ACTR3C: variants seen among roughly 807,000 people sequenced by gnomAD.
ACTR3C encodes actin related protein 3C.
Under a neutral mutation model 26.3 loss-of-function variants are expected in ACTR3C, and 18 were observed. The ratio of observed to expected loss-of-function variants is 0.68; its 90% CI spans 0.47 to 1.01. The LOEUF (loss-of-function observed/expected upper bound fraction) is 1.01, where lower values mean the gene tolerates loss of function less well. ACTR3C is among the 50% of genes least tolerant of loss of function. The pLI is 0.00. For missense variants in ACTR3C, 184 were observed against 250.7 expected, an observed-to-expected ratio of 0.73 and a Z score of 1.80; for synonymous variants, 55 against 94.5, an observed-to-expected ratio of 0.58 and a Z score of 2.42.
the ACTR3C span, among the ~76,000 whole-genome samples, chr7:149,993,420 C>G: frequency 1.3e-5 from 2 of 152,172 alleles, no homozygotes; most frequent in Non-Finnish European, 2.9e-5. Context: ...CTCAATGAGG[C>G]CCTCGCTTAG....
intron 3 of ACTR3C, among the ~76,000 whole-genome samples, chr7:150,292,834 A>G (rs1023212572): frequency 6.6e-6 from 1 of 152,042 alleles, no homozygotes; most frequent in Non-Finnish European, 1.5e-5. Context: ...AATTTTTCCA[A>G]GCTTGAGCTG....
the ACTR3C span, among the ~76,000 whole-genome samples, chr7:149,927,066 T>TG: frequency 1.7e-4 from 8 of 47,912 alleles, no homozygotes; most frequent in East Asian, 3.2e-3. Context: ...CCAAATAAAC[T>TG]TTTTTTTTTC....
At chr7:150,035,528 G>T in the ACTR3C span, among the ~76,000 whole-genome samples, 2 of 129,386 alleles carry the variant, frequency 1.5e-5, no homozygotes, top group East Asian at 4.3e-4. Context: ...CTCTCGTGGG[G>T]GGTGCCTCCC....
intron 1 of ACTR3C, among the ~76,000 whole-genome samples, chr7:150,311,108 C>T (rs1211233903): frequency 1.3e-5 from 2 of 152,188 alleles, no homozygotes; most frequent in Non-Finnish European, 2.9e-5. Context: ...AACTGCTTTA[C>T]AAGCTCACTA....
the ACTR3C span, among the ~76,000 whole-genome samples, chr7:150,006,405 G>A: frequency 3.0e-4 from 45 of 147,656 alleles, no homozygotes; most frequent in African/African-American, 1.1e-3. Flanking sequence ...CACTGTGTTA[G>A]CCAGGATGGT....
At chr7:150,047,756 G>A in the ACTR3C span, 87 of 1,494,078 alleles carry the variant, frequency 5.8e-5, no homozygotes, top group Non-Finnish European at 7.6e-5. Flanking sequence ...CGTCCTCCTC[G>A]GGCCCCTGGC....
the ACTR3C span, among the ~76,000 whole-genome samples, chr7:150,039,787 G>C: frequency 2.1e-4 from 23 of 107,168 alleles, no homozygotes; most frequent in South Asian, 1.3e-3. Context: ...AGGGGGGGAA[G>C]AGGGACTGGC....
At chr7:149,946,942 C>T in the ACTR3C span, among the ~76,000 whole-genome samples, 1 of 151,058 alleles carries the variant, frequency 6.6e-6, no homozygotes, top group Non-Finnish European at 1.5e-5. Flanking sequence ...AAAAAAAGAG[C>T]CGCCTTCCCC....
the ACTR3C span, among the ~76,000 whole-genome samples, chr7:150,108,456 G>A: frequency 6.6e-6 from 1 of 151,832 alleles, no homozygotes; most frequent in African/African-American, 2.4e-5. Flanking sequence ...AAAAGATAGA[G>A]CTGAGAGCAA....
At chr7:150,042,613 G>C in the ACTR3C span, among the ~76,000 whole-genome samples, 12 of 151,420 alleles carry the variant, frequency 7.9e-5, no homozygotes, top group Admixed American at 2.6e-4. Flanking sequence ...GGAGTCCCAA[G>C]AGCCAGGGGG....
At chr7:150,253,770 T>A (rs1052702354) in intron 6 of ACTR3C, among the ~76,000 whole-genome samples, 1 of 152,018 alleles carries the variant, frequency 6.6e-6, no homozygotes, top group Non-Finnish European at 1.5e-5. Context: ...TGGCTATTGA[T>A]AATAATTGAA....
the ACTR3C span, among the ~76,000 whole-genome samples, chr7:150,085,055 G>A: frequency 1.3e-5 from 2 of 152,182 alleles, no homozygotes; most frequent in Admixed American, 6.5e-5. Flanking sequence ...TGACCACCTG[G>A]GTTGGTGGTG....
At chr7:150,215,994 GT>G in the ACTR3C span, among the ~76,000 whole-genome samples, 1 of 151,706 alleles carries the variant, frequency 6.6e-6, no homozygotes, top group Non-Finnish European at 1.5e-5. Context: ...CCCAAATATG[GT>G]GAAAGAATTA....
At chr7:150,035,696 T>TG in the ACTR3C span, among the ~76,000 whole-genome samples, 204 of 125,634 alleles carry the variant, frequency 1.6e-3, 30 homozygotes, top group East Asian at 9.2e-3. Flanking sequence ...GGATCAGCGA[T>TG]GGGGGTCCTA....
the ACTR3C span, among the ~76,000 whole-genome samples, chr7:150,037,087 G>T: frequency 1.8e-4 from 18 of 101,564 alleles, no homozygotes; most frequent in South Asian, 1.8e-3. Context: ...CCCCTCGTGC[G>T]ATGGGGGTCC....
chr7:150,203,831 T>G, the ACTR3C span, among the ~76,000 whole-genome samples: 1 of 152,302 alleles, frequency 6.6e-6, no homozygotes, highest in East Asian at 1.9e-4. Flanking sequence ...CCTCCCAAAG[T>G]GCTGGGATTG....
chr7:150,222,024 TC>T, the ACTR3C span, among the ~76,000 whole-genome samples: 1 of 130,590 alleles, frequency 7.7e-6, no homozygotes, highest in East Asian at 2.1e-4. Context: ...AAAAAGTACA[TC>T]CCCTTACATT....
the ACTR3C span, among the ~76,000 whole-genome samples, chr7:149,954,455 C>A: frequency 3.3e-3 from 504 of 152,208 alleles, 24 homozygotes; most frequent in East Asian, 0.088. Flanking sequence ...TTTGGGGGGA[C>A]ATATTATAAA....
the ACTR3C span, among the ~76,000 whole-genome samples, chr7:149,984,451 G>A: frequency 1.9e-4 from 29 of 151,776 alleles, no homozygotes; most frequent in South Asian, 5.0e-3. Context: ...TGATCCACCC[G>A]CCTCAGCCTC....
Sources: allele counts gnomAD v4.1 joint callset (sites outside exome capture counted in the v4.1 genomes callset), GRCh38; gene constraint gnomAD v4.1.1; transcripts MANE v1.5; gene names NCBI Gene and HGNC (gene_info 2026-07-23, HGNC 2026-07-21).